USP32: variants seen among roughly 807,000 people sequenced by gnomAD.
The protein encoded by USP32 is ubiquitin specific peptidase 32.
Under a neutral mutation model 204.8 loss-of-function variants are expected in USP32, and 59 were observed. That is an observed-to-expected ratio of 0.29 (90% CI 0.23 to 0.36). The LOEUF (loss-of-function observed/expected upper bound fraction) is 0.36. Ranked by LOEUF, USP32 falls within the 10% of genes least tolerant of loss-of-function variation. The pLI, the probability that USP32 is intolerant of heterozygous loss-of-function variation, is 1.00. For missense variants in USP32, 1,160 were observed against 1,946.4 expected (o/e 0.60, Z 7.60); for synonymous variants, 517 against 678.4 (o/e 0.76, Z 3.70).
chr17:60,209,231 A>G lies in USP32; in HGVS notation c.2598+139T>C, dbSNP rs555231318. On this transcript the variant is annotated intron_variant, in intron 22 of 33. Coordinates refer to ENST00000300896, the MANE Select transcript of USP32 (RefSeq NM_032582.4). ...TGGCATTATTGCATAAGAATTAAGC[A>G]CAGAAATAGAAATTCATTCATTTTT... 15 of 997,006 alleles carry G rather than the reference A, an allele frequency of 1.5e-5. No homozygotes were observed. The East Asian group carries it at 4.7e-4, about 31-fold the overall frequency. 61.8% of individuals were successfully genotyped at this position (997,006 alleles called of 1,614,324 possible).
In USP32 at chr17:60,346,104, A is replaced by G. The variant is rs552497282; in HGVS notation, c.59-496T>C. Among the ~76,000 whole-genome samples, 27 of 152,012 alleles carry G rather than the reference A, an allele frequency of 1.8e-4. No homozygotes were observed. The South Asian group carries it at 5.6e-3, about 31-fold the overall frequency. On this transcript the variant is annotated intron_variant, in intron 1 of 33. Transcript: ENST00000300896. ...CTAATATTTTCAAATCTAATTTAGA[A>G]AATAAGTATAATTTTTTTTTTTTAA...
At position 60,223,312 on chromosome 17, in the gene USP32, T is replaced by C. The variant is rs1388739676; in HGVS notation, c.1608+99A>G. 4 of 951,776 alleles carry C rather than the reference T, an allele frequency of 4.2e-6. No homozygotes were observed. In the East Asian group the frequency reaches 7.5e-5, roughly 18 times the overall value. 59.0% of individuals were successfully genotyped at this position (951,776 alleles called of 1,614,324 possible). A position where few individuals can be genotyped will look rare whatever the true frequency, so the allele number is the denominator to read the frequency against. The stretch of plus-strand genomic sequence containing the variant: ...GTCCATCTATAATACAGTAATTAAA[T>C]GAACCATCAATGTTTTGCTATGTGC... On this transcript the variant is annotated intron_variant, in intron 14 of 33. Coordinates refer to ENST00000300896, the MANE Select transcript of USP32 (RefSeq NM_032582.4).
chr17:60,315,918 G>A, intron 2 of USP32: 1 of 158,180 alleles, frequency 6.3e-6, no homozygotes, highest in Non-Finnish European at 1.4e-5. Flanking sequence ...TCACAAGAGT[G>A]CACCCTCTAT....
intron 1 of USP32, among the ~76,000 whole-genome samples, chr17:60,383,332 T>G (rs555877312): frequency 1.3e-5 from 2 of 152,110 alleles, no homozygotes; most frequent in East Asian, 3.9e-4. Flanking sequence ...ACTCGATTCC[T>G]GTCTTTATTT....
At chr17:60,305,871 G>C (rs2087710123) in intron 2 of USP32, among the ~76,000 whole-genome samples, 1 of 152,128 alleles carries the variant, frequency 6.6e-6, no homozygotes, top group African/African-American at 2.4e-5. Flanking sequence ...AATTTGTTTG[G>C]AATATACTGC....
intron 9 of USP32, among the ~76,000 whole-genome samples, chr17:60,255,466 T>A (rs1298305062): frequency 1.3e-5 from 2 of 151,878 alleles, no homozygotes; most frequent in South Asian, 2.1e-4. Context: ...CCTGGCTAAG[T>A]TTTTGTGTTT....
chr17:60,183,909 T>C (rs1426494915), intron 30 of USP32, among the ~76,000 whole-genome samples: 3 of 152,210 alleles, frequency 2.0e-5, no homozygotes, highest in Non-Finnish European at 2.9e-5. Flanking sequence ...TATGAAAATA[T>C]ATACTTGTCA....
chr17:60,406,808 C>T (rs2089979811), intron 1 of USP32, among the ~76,000 whole-genome samples: 1 of 151,888 alleles, frequency 6.6e-6, no homozygotes, highest in Admixed American at 6.6e-5. Flanking sequence ...GCCACTGCGC[C>T]TGGCCTTTCT....
chr17:60,382,995 C>A (rs1182495987), intron 1 of USP32, among the ~76,000 whole-genome samples: 1 of 151,988 alleles, frequency 6.6e-6, no homozygotes, highest in African/African-American at 2.4e-5. Flanking sequence ...CTCCTGTAAT[C>A]CCAGCACTTT....
chr17:60,371,654 A>G (rs943954007), intron 1 of USP32, among the ~76,000 whole-genome samples: 4 of 152,194 alleles, frequency 2.6e-5, no homozygotes, highest in Admixed American at 6.5e-5. Context: ...AGTCAAGGAA[A>G]TGCAGATTAA....
intron 1 of USP32, among the ~76,000 whole-genome samples, chr17:60,377,546 TAG>T (rs2089571021): frequency 6.6e-6 from 1 of 152,212 alleles, no homozygotes; most frequent in Non-Finnish European, 1.5e-5. Flanking sequence ...ATTCTTATGG[TAG>T]AGACTACCTG....
chr17:60,201,734 T>C lies in USP32; in HGVS notation c.3250-3290A>G, dbSNP rs147703757. Among the ~76,000 whole-genome samples, 190 of 150,924 alleles carry C rather than the reference T, an allele frequency of 1.3e-3. 2 individuals are homozygous for C. The South Asian group carries it at 0.021, about 17-fold the overall frequency. On this transcript the variant is annotated intron_variant, in intron 26 of 33. Transcript: ENST00000300896. ...AATGCAATGGCATGATCTCGGCCCA[T>C]TGCAACCTCTGCCTCTGGGGTTCAA...
intron 4 of USP32, among the ~76,000 whole-genome samples, chr17:60,293,402 C>T (rs1036119864): frequency 6.6e-6 from 1 of 152,076 alleles, no homozygotes; most frequent in African/African-American, 2.4e-5. Flanking sequence ...TTTTTTCTTA[C>T]AAGCAAATTT....
At chr17:60,416,315 C>G (rs1598325753) in intron 1 of USP32, among the ~76,000 whole-genome samples, 1 of 152,106 alleles carries the variant, frequency 6.6e-6, no homozygotes, top group Non-Finnish European at 1.5e-5. Context: ...TCAGGACATA[C>G]AACAAGAATT....
At chr17:60,270,272 A>T (rs1391624105) in intron 6 of USP32, among the ~76,000 whole-genome samples, 1 of 152,226 alleles carries the variant, frequency 6.6e-6, no homozygotes, top group Non-Finnish European at 1.5e-5. Flanking sequence ...AGAAACCCAG[A>T]GCCCTATCTG....
chr17:60,278,083 T>A (rs1332265956), intron 5 of USP32, among the ~76,000 whole-genome samples: 2 of 152,040 alleles, frequency 1.3e-5, no homozygotes, highest in Non-Finnish European at 2.9e-5. Context: ...ATTTTCAAAT[T>A]TTTTGTAGAG....
chr17:60,315,051 G>A (rs368421162), intron 2 of USP32, among the ~76,000 whole-genome samples: 1 of 152,176 alleles, frequency 6.6e-6, no homozygotes, highest in Non-Finnish European at 1.5e-5. Flanking sequence ...TTAGGGAAAT[G>A]CAAATCAAAA....
At chr17:60,329,990 T>C (rs1183475111) in intron 2 of USP32, among the ~76,000 whole-genome samples, 3 of 152,240 alleles carry the variant, frequency 2.0e-5, no homozygotes, top group Non-Finnish European at 4.4e-5. Flanking sequence ...AGCTTCACAC[T>C]GGTTTAAAAT....
At chr17:60,355,482 T>C (rs1244922897) in intron 1 of USP32, among the ~76,000 whole-genome samples, 1 of 152,090 alleles carries the variant, frequency 6.6e-6, no homozygotes, top group Non-Finnish European at 1.5e-5. Context: ...AAGAACACTA[T>C]CAAAAACTGT....
Sources: gnomAD v4.1 joint callset for allele counts (sites outside exome capture counted in the v4.1 genomes callset) on GRCh38, gnomAD v4.1.1 for gene constraint, MANE v1.5 for transcripts, NCBI Gene and HGNC (gene_info 2026-07-23, HGNC 2026-07-21) for gene names.